The following MAGI2 variants were observed in gnomAD, a reference collection of about 807,000 sequenced individuals.
MAGI2 encodes membrane-associated guanylate kinase, WW and PDZ domain-containing protein 2.
In MAGI2, 35 loss-of-function variants were observed where a neutral mutation model predicts 133.3. The observed-to-expected ratio is 0.26, with a 90% CI of 0.20 to 0.35. The LOEUF is 0.35. Ranked by LOEUF, MAGI2 falls within the 10% of genes least tolerant of loss-of-function variation. The probability of loss-of-function intolerance (pLI) is 1.00; values close to 1 mark genes in which losing one functional copy is unlikely to be tolerated. For missense variants in MAGI2, 1,636 were observed against 1,863.4 expected (o/e 0.88, Z 2.25); for synonymous variants, 729 against 710.6 (o/e 1.03, Z -0.41).
intron 1 of MAGI2, among the ~76,000 whole-genome samples, chr7:79,058,743 GA>G (rs1156918245): frequency 5.3e-5 from 8 of 152,064 alleles, no homozygotes; most frequent in African/African-American, 9.7e-5. Flanking sequence ...TACACTGCTG[GA>G]AAAATGAACG....
chr7:78,100,431 G>A (rs907550832), intron 20 of MAGI2, among the ~76,000 whole-genome samples: 1 of 152,132 alleles, frequency 6.6e-6, no homozygotes, highest in Non-Finnish European at 1.5e-5. Flanking sequence ...GCTCACTGCA[G>A]CCTTGACCTC....
chr7:78,468,752 A>G (rs1790898022), intron 6 of MAGI2, among the ~76,000 whole-genome samples: 1 of 152,194 alleles, frequency 6.6e-6, no homozygotes, highest in African/African-American at 2.4e-5. Flanking sequence ...CGCCTCTGAT[A>G]TCTTGGCTAC....
chr7:78,740,818 A>AC (rs1014815535), intron 2 of MAGI2, among the ~76,000 whole-genome samples: 4 of 152,120 alleles, frequency 2.6e-5, no homozygotes, highest in African/African-American at 9.7e-5. Context: ...CAAAGAAAGC[A>AC]CCCCCATGCT....
intron 1 of MAGI2, among the ~76,000 whole-genome samples, chr7:79,119,379 G>C (rs140346700): frequency 1.4e-4 from 21 of 152,148 alleles, no homozygotes; most frequent in African/African-American, 4.1e-4. Context: ...CAAATACATG[G>C]TTGTGTGCCA....
At chr7:79,440,553 T>C (rs1384204688) in intron 1 of MAGI2, among the ~76,000 whole-genome samples, 1 of 152,092 alleles carries the variant, frequency 6.6e-6, no homozygotes, top group African/African-American at 2.4e-5. Context: ...CATCATGATG[T>C]ATTCTCCAAG....
At chr7:78,458,589 T>C (rs1006109354) in intron 6 of MAGI2, among the ~76,000 whole-genome samples, 1 of 151,894 alleles carries the variant, frequency 6.6e-6, no homozygotes, top group Non-Finnish European at 1.5e-5. Flanking sequence ...CAAATAATAG[T>C]TTACAAAGGT....
At chr7:78,593,100 C>T (rs35931228) in intron 3 of MAGI2, among the ~76,000 whole-genome samples, 17,649 of 149,696 alleles carry the variant, frequency 0.12, 1,763 homozygotes, top group African/African-American at 0.28. Flanking sequence ...GGATTACGGG[C>T]GTGAACCACC....
intron 1 of MAGI2, among the ~76,000 whole-genome samples, chr7:79,214,407 C>CTCTATATATATA (rs1554406633): frequency 1.1e-4 from 2 of 17,720 alleles, no homozygotes; most frequent in African/African-American, 2.3e-4. Flanking sequence ...CTCTCTCTCT[C>CTCTATATATATA]TATATATATA....
intron 3 of MAGI2, among the ~76,000 whole-genome samples, chr7:78,565,711 C>G (rs188468228): frequency 4.1e-4 from 62 of 152,290 alleles, no homozygotes; most frequent in African/African-American, 1.4e-3. Context: ...TTTTTCAGCT[C>G]ATGGCACGAC....
Position 78,330,603 on chromosome 7 carries a change from G to T in MAGI2, c.1408+13175C>A, listed in dbSNP as rs1283959921. On this transcript the variant is annotated intron_variant, in intron 9 of 21. Coordinates refer to ENST00000354212, the MANE Select transcript of MAGI2 (RefSeq NM_012301.4). ...ACTGCACTCCAGCCTGGGCGACAGC[G>T]AGACTCCGTCTCAAAAAAAAAAAAA... 1.3e-4 allele frequency among the ~76,000 whole-genome samples: 3 copies of T among 23,228 alleles called. 1 individual carries two copies. Among genetic ancestry groups the T allele is most frequent in the African/African-American group, 6.8e-4 (3 of 4,412 alleles). 15.2% of individuals were successfully genotyped at this position (23,228 alleles called of 152,430 possible). A position where few individuals can be genotyped will look rare whatever the true frequency, so the allele number is the denominator to read the frequency against.
chr7:79,408,731 G>A (rs1377143148), intron 1 of MAGI2, among the ~76,000 whole-genome samples: 2 of 151,194 alleles, frequency 1.3e-5, no homozygotes, highest in Non-Finnish European at 2.9e-5. Flanking sequence ...ATTTAGTCTG[G>A]GTTAAAAAAA....
At chr7:78,135,469 C>G (rs1194239395) in intron 16 of MAGI2, among the ~76,000 whole-genome samples, 2 of 152,054 alleles carry the variant, frequency 1.3e-5, no homozygotes, top group Non-Finnish European at 2.9e-5. Context: ...CATAATTAAC[C>G]TAGAGTTAAA....
intron 9 of MAGI2, among the ~76,000 whole-genome samples, chr7:78,286,287 C>G (rs900268179): frequency 1.3e-5 from 2 of 152,066 alleles, no homozygotes; most frequent in African/African-American, 4.8e-5. Flanking sequence ...TTACAAATAT[C>G]CACACTTTTA....
At chr7:78,858,766 G>A (rs1207072009) in intron 2 of MAGI2, among the ~76,000 whole-genome samples, 1 of 150,454 alleles carries the variant, frequency 6.6e-6, no homozygotes, top group Admixed American at 6.6e-5. Flanking sequence ...TGTCTATTAT[G>A]TCTGAGTTCA....
At chr7:79,075,024 T>A (rs533045567) in intron 1 of MAGI2, among the ~76,000 whole-genome samples, 1 of 152,242 alleles carries the variant, frequency 6.6e-6, no homozygotes, top group Non-Finnish European at 1.5e-5. Flanking sequence ...TATAGGTTTT[T>A]ACCTTATGGA....
chr7:78,342,560 A>G (rs1790501033), intron 9 of MAGI2, among the ~76,000 whole-genome samples: 1 of 152,208 alleles, frequency 6.6e-6, no homozygotes, highest in Admixed American at 6.5e-5. Flanking sequence ...GAACCAACCT[A>G]AATGCTCATC....
At chr7:78,689,227 T>G (rs753921520) in intron 2 of MAGI2, among the ~76,000 whole-genome samples, 3 of 152,266 alleles carry the variant, frequency 2.0e-5, no homozygotes, top group Non-Finnish European at 4.4e-5. Context: ...TCTATCCTAT[T>G]GCAGAGTTTG....
intron 4 of MAGI2, among the ~76,000 whole-genome samples, chr7:78,504,950 G>A (rs1466414948): frequency 3.9e-5 from 6 of 152,098 alleles, no homozygotes; most frequent in African/African-American, 1.2e-4. Context: ...TTCTAAATAA[G>A]CATATATTAA....
chr7:78,683,826 C>A (rs1032215087), intron 2 of MAGI2, among the ~76,000 whole-genome samples: 1 of 152,148 alleles, frequency 6.6e-6, no homozygotes, highest in African/African-American at 2.4e-5. Context: ...ACGTTTCTGT[C>A]TCTTTGGTGG....
Sources: gnomAD v4.1 joint callset for allele counts (sites outside exome capture counted in the v4.1 genomes callset) on GRCh38, gnomAD v4.1.1 for gene constraint, MANE v1.5 for transcripts, NCBI Gene and HGNC (gene_info 2026-07-23, HGNC 2026-07-21) for gene names.